UROS: variants seen among roughly 807,000 people sequenced by gnomAD.
UROS encodes uroporphyrinogen-III synthase.
In UROS, 18 loss-of-function variants were observed where a neutral mutation model predicts 33.0. That is an observed-to-expected ratio of 0.55 (90% CI 0.38 to 0.81). The LOEUF is 0.81. Ranked by LOEUF, UROS falls within the 30% of genes least tolerant of loss-of-function variation. The pLI, the probability that UROS is intolerant of heterozygous loss-of-function variation, is 0.00. For synonymous variants in UROS, 114 were observed against 121.1 expected, an observed-to-expected ratio of 0.94 and a Z score of 0.38; for missense variants, 293 against 314.9, an observed-to-expected ratio of 0.93 and a Z score of 0.53.
intron 4 of UROS, 27 bp downstream of exon 4, chr10:125,815,007 T>C: frequency 1.7e-5 from 28 of 1,611,656 alleles, no homozygotes; most frequent in Non-Finnish European, 2.3e-5. Context: ...AAATGTCCAG[T>C]GGAATCCACA....
intron 6 of UROS, among the ~76,000 whole-genome samples, chr10:125,804,300 T>C (rs1177592858): frequency 6.6e-6 from 1 of 152,188 alleles, no homozygotes; most frequent in Non-Finnish European, 1.5e-5. Context: ...ATAGAGCTTC[T>C]GGGTTGGTGA....
At chr10:125,794,252 A>G in intron 9 of UROS, 1 of 817,060 alleles carries the variant, frequency 1.2e-6, no homozygotes, top group Non-Finnish European at 1.5e-6. Flanking sequence ...TACTCCCCAC[A>G]TGAGATGCAC....
intron 6 of UROS, chr10:125,802,513 C>T (rs1851928909): frequency 2.0e-6 from 2 of 990,714 alleles, no homozygotes; most frequent in South Asian, 9.2e-5. Flanking sequence ...GAATTGGCCT[C>T]CAGAGGGCTT....
rs143536058 is a variant in UROS, at chr10:125,796,171, T to G, written c.493A>C (p.Ile165Leu). 1.2e-5 allele frequency: 19 copies of G among 1,614,080 alleles called. No individual in the cohort carries two copies. The highest frequency in any genetic ancestry group is 1.6e-5 in the Non-Finnish European group (19 of 1,180,030). The change falls in exon 8 of 10, where the codon ATA (isoleucine) becomes CTA (leucine). Residue 165 changes from isoleucine to leucine, a missense_variant. Coordinates refer to ENST00000368797, the MANE Select transcript of UROS (RefSeq NM_000375.3). The part of the protein sequence containing the change: ...LKDKGIAMES[I>L]TVYQTVAHPG... Reference sequence around the variant, plus strand: ...TGTGCAACTGTCTGATACACAGTTATGCTTTCCATGGCAATCCCTGGGCAC... The same window carrying G: ...TGTGCAACTGTCTGATACACAGTTAGGCTTTCCATGGCAATCCCTGGGCAC...
chr10:125,814,802 G>A (rs1355853276), intron 4 of UROS, among the ~76,000 whole-genome samples: 2 of 152,156 alleles, frequency 1.3e-5, no homozygotes, highest in African/African-American at 4.8e-5. Context: ...GGATATATCA[G>A]TCCCTAGGAG....
At chr10:125,811,747 G>A (rs934008667) in intron 5 of UROS, among the ~76,000 whole-genome samples, 11 of 151,866 alleles carry the variant, frequency 7.2e-5, no homozygotes, top group African/African-American at 2.7e-4. Flanking sequence ...TACATTTTAT[G>A]CTTTAAGAAG....
At chr10:125,786,982 T>G (rs1222736453), downstream of UROS, among the ~76,000 whole-genome samples, 1 of 152,212 alleles carries the variant, frequency 6.6e-6, no homozygotes, top group Non-Finnish European at 1.5e-5. Context: ...TCGAGGACAC[T>G]GCGCCTGCTG....
chr10:125,798,960 A>T (rs10901438), intron 6 of UROS, among the ~76,000 whole-genome samples: 71,266 of 151,986 alleles, frequency 0.47, 17,142 homozygotes, highest in African/African-American at 0.56. Flanking sequence ...ACCAGCCATT[A>T]CCCCCCACAT....
At chr10:125,806,604 T>G (rs1468568908) in intron 6 of UROS, among the ~76,000 whole-genome samples, 1 of 152,222 alleles carries the variant, frequency 6.6e-6, no homozygotes, top group Non-Finnish European at 1.5e-5. Flanking sequence ...AAAATATCCT[T>G]AACAGATGAA....
At chr10:125,792,898 C>T (rs537640510) in intron 9 of UROS, 1 of 152,566 alleles carries the variant, frequency 6.6e-6, no homozygotes, top group East Asian at 1.9e-4. Flanking sequence ...TCACAACCCA[C>T]ACACAGTGCC....
intron 7 of UROS, 72 bp downstream of exon 7, chr10:125,797,993 C>A (rs1851509614): frequency 1.3e-6 from 2 of 1,567,198 alleles, no homozygotes; most frequent in Admixed American, 1.7e-5. Context: ...CAGGGCCACC[C>A]ACTTCTATCA....
At chr10:125,797,630 C>A (rs41306005) in intron 7 of UROS, among the ~76,000 whole-genome samples, 2,134 of 152,248 alleles carry the variant, frequency 0.014, 21 homozygotes, top group Non-Finnish European at 0.022. Flanking sequence ...TTGGGAGCCA[C>A]GGCAGGTGGA....
At chr10:125,807,982 C>A (rs997977463) in intron 5 of UROS, among the ~76,000 whole-genome samples, 6 of 152,082 alleles carry the variant, frequency 3.9e-5, no homozygotes, top group Non-Finnish European at 8.8e-5. Context: ...CATGGCCAGA[C>A]TAAAATGGAA....
At position 125,823,068 on chromosome 10, in the gene UROS, G is replaced by A. The variant is rs938138424; in HGVS notation, c.-66C>T. ...CCCAGCACCCGGCCTGGCACACAGC[G>A]GGCACCCGGTCGGGGGGCGGTGTCG... is the stretch of plus-strand genomic sequence containing the variant. On this transcript the variant is annotated 5_prime_UTR_variant, in exon 1 of 10. Coordinates refer to ENST00000368797, the MANE Select transcript of UROS (RefSeq NM_000375.3). 2 of 153,566 alleles carry A rather than the reference G, an allele frequency of 1.3e-5. No homozygotes were observed. The highest frequency in any genetic ancestry group is 2.9e-5 in the Non-Finnish European group (2 of 68,794). 9.5% of individuals were successfully genotyped at this position (153,566 alleles called of 1,614,324 possible).
intron 9 of UROS, chr10:125,794,196 G>A (rs907930226): frequency 9.8e-6 from 3 of 306,480 alleles, no homozygotes; most frequent in Admixed American, 6.5e-5. Context: ...GCCATATGAT[G>A]TCTCTGAGCC....
chr10:125,786,330 T>G (rs1347384552), downstream of UROS, among the ~76,000 whole-genome samples: 2 of 149,818 alleles, frequency 1.3e-5, no homozygotes, highest in Non-Finnish European at 3.0e-5. Flanking sequence ...CAGGCTGGAG[T>G]GCAGTGGCAC....
At chr10:125,809,964 A>C (rs186143725) in intron 5 of UROS, among the ~76,000 whole-genome samples, 2 of 152,294 alleles carry the variant, frequency 1.3e-5, no homozygotes, top group Admixed American at 1.3e-4. Flanking sequence ...CTCTCACTGG[A>C]CTTCCACACC....
chr10:125,792,083 A>T (rs1424034386), intron 9 of UROS: 2 of 152,204 alleles, frequency 1.3e-5, no homozygotes, highest in Non-Finnish European at 2.9e-5. Flanking sequence ...AAATAAAAAA[A>T]AAATTTTTAA....
At chr10:125,805,123 G>A (rs1050147968) in intron 6 of UROS, among the ~76,000 whole-genome samples, 15 of 152,244 alleles carry the variant, frequency 9.9e-5, no homozygotes, top group African/African-American at 3.4e-4. Context: ...ACTAAGGAGT[G>A]CACAGGCTCA....
Sources: allele counts gnomAD v4.1 joint callset (sites outside exome capture counted in the v4.1 genomes callset), GRCh38; gene constraint gnomAD v4.1.1; transcripts MANE v1.5; gene names NCBI Gene and HGNC (gene_info 2026-07-23, HGNC 2026-07-21).